OR4D2: variants seen among roughly 807,000 people sequenced by gnomAD.
OR4D2 encodes the protein olfactory receptor 4D2.
In OR4D2, 9 loss-of-function variants were observed where a neutral mutation model predicts 12.4. The ratio of observed to expected loss-of-function variants is 0.73; its 90% CI spans 0.44 to 1.27. The LOEUF (loss-of-function observed/expected upper bound fraction) is 1.27, where lower values mean the gene tolerates loss of function less well. Ranked by LOEUF, OR4D2 falls within the 50% of genes most tolerant of loss-of-function variation. OR4D2 has a pLI of 0.00. For missense variants in OR4D2, 373 were observed against 381.6 expected (o/e 0.98, Z 0.19); for synonymous variants, 151 against 151.1 (o/e 1.00, Z 0.01).
chr17:58,170,448 T>C lies in OR4D2; in HGVS notation c.793T>C (p.Phe265Leu). The C allele has an allele frequency of 6.2e-7, 1 of 1,614,182 alleles. No homozygotes were observed. Among genetic ancestry groups the C allele is most frequent in the Non-Finnish European group, 8.5e-7 (1 of 1,180,022 alleles). Residue 265 changes from phenylalanine to leucine, a missense_variant, in exon 2 of 2, where the codon TTC (phenylalanine) becomes CTC (leucine). Coordinates refer to ENST00000545221, the MANE Select transcript of OR4D2 (RefSeq NM_001004707.4). ...IYLYARPFTP[F>L]PMDKLVSIGH... is the part of the protein sequence containing the mutation. ...CCTCTATGCCCGGCCCTTCACTCCA[T>C]TCCCTATGGACAAGCTTGTGTCCAT...
At position 58,170,793 on chromosome 17, in the gene OR4D2, T is replaced by C. The variant is rs1967957071; in HGVS notation, c.*214T>C. Reference sequence around the variant, plus strand: ...AAGAGTTTTAACACACTCGCAACAATGAGAATTGTTCACATGGCCCCTGAA... The same window carrying C: ...AAGAGTTTTAACACACTCGCAACAACGAGAATTGTTCACATGGCCCCTGAA... On this transcript the variant is annotated 3_prime_UTR_variant, in exon 2 of 2. Transcript: ENST00000545221. The C allele has an allele frequency of 1.4e-5, 8 of 570,130 alleles. No homozygotes were observed. The East Asian group carries it at 2.1e-4, about 15-fold the overall frequency. 35.3% of individuals were successfully genotyped at this position (570,130 alleles called of 1,614,324 possible).
chr17:58,168,664 T>C (rs1049111829), intron 1 of OR4D2, among the ~76,000 whole-genome samples: 4 of 152,216 alleles, frequency 2.6e-5, no homozygotes, highest in African/African-American at 9.6e-5. Context: ...CTCCCACCCT[T>C]GGATTCAGTA....
rs529985046 is a variant in OR4D2, at chr17:58,170,653, G to C, written c.*74G>C. ...AAGTGGAGAGGGAGCTACTACCTTT[G>C]CTCTCTTCATAGTGTGTTGAGGTTC... On this transcript the variant is annotated 3_prime_UTR_variant, in exon 2 of 2. Coordinates refer to ENST00000545221, the MANE Select transcript of OR4D2 (RefSeq NM_001004707.4). 5 of 1,167,860 alleles carry C rather than the reference G, an allele frequency of 4.3e-6. No homozygotes were observed. The African/African-American group carries it at 7.6e-5, about 18-fold the overall frequency. The allele number at this position is 1,167,860 out of a possible 1,614,324, so 72.3% of individuals were successfully genotyped here.
At chr17:58,167,284 T>C (rs772955690) in intron 1 of OR4D2, among the ~76,000 whole-genome samples, 1 of 152,050 alleles carries the variant, frequency 6.6e-6, no homozygotes, top group Non-Finnish European at 1.5e-5. Flanking sequence ...CACAGAGAAA[T>C]AAGGAATTAA....
At chr17:58,168,460 C>T (rs1215460015) in intron 1 of OR4D2, among the ~76,000 whole-genome samples, 1 of 152,192 alleles carries the variant, frequency 6.6e-6, no homozygotes, top group East Asian at 1.9e-4. Flanking sequence ...CATCCGCCTC[C>T]GCCTCCCAAA....
chr17:58,170,090 G>T lies in OR4D2; in HGVS notation c.435G>T (p.Val145=). The change falls in exon 2 of 2, where the codon GTG becomes GTT. Residue 145 remains valine, a synonymous_variant. Transcript: ENST00000545221. ...VMNTQLWVGL[V]VATWVGGFVH... is the part of the protein sequence containing the mutation. ...ACACTCAGCTCTGGGTGGGGCTGGT[G>T]GTAGCCACCTGGGTGGGAGGCTTTG... The T allele has an allele frequency of 1.9e-6, 3 of 1,614,076 alleles. No individual in the cohort carries two copies. The highest frequency in any genetic ancestry group is 2.5e-6 in the Non-Finnish European group (3 of 1,180,026).
rs745647332 is a variant in OR4D2 at position 58,170,148 on chromosome 17, C to T, written c.493C>T (p.Pro165Ser). Reference protein sequence around the residue: ...HSIVQLALMLPLPFCGPNILD... With the variant: ...HSIVQLALMLSLPFCGPNILD... ...TATTGTCCAGCTGGCTCTGATGCTCCCACTGCCCTTCTGTGGCCCCAACAT... is the reference window on the plus strand; with the variant it reads ...TATTGTCCAGCTGGCTCTGATGCTCTCACTGCCCTTCTGTGGCCCCAACAT... Residue 165 changes from proline (P) to serine (S), a missense_variant, in exon 2 of 2, where the codon CCA becomes TCA. By Grantham distance (74) the Pro-to-Ser change is moderately conservative. Coordinates refer to ENST00000545221, the MANE Select transcript of OR4D2 (RefSeq NM_001004707.4). 1.5e-5 allele frequency: 25 copies of T among 1,614,072 alleles called. No homozygotes were observed. The highest frequency in any genetic ancestry group is 1.9e-5 in the Non-Finnish European group (23 of 1,180,044).
rs768949746 is a variant in OR4D2, at chr17:58,170,594, G to A, written c.*15G>A. ...GGCTGGTTTGAGAGTGACAATGGTA[G>A]GTTTCTTCTCTTTGGCTTTGTTTTC... is the stretch of plus-strand genomic sequence containing the variant. On this transcript the variant is annotated 3_prime_UTR_variant, in exon 2 of 2. Transcript: ENST00000545221. 2 of 1,602,110 alleles carry A rather than the reference G, an allele frequency of 1.2e-6. No homozygotes were observed. Among genetic ancestry groups the A allele is most frequent in the East Asian group, 4.5e-5 (2 of 44,830 alleles).
intron 1 of OR4D2, chr17:58,169,338 C>T (rs1252697657): frequency 5.6e-6 from 2 of 355,966 alleles, no homozygotes; most frequent in Admixed American, 4.5e-5. Flanking sequence ...ATGGTCAAAT[C>T]ACAATGAAAT....
At chr17:58,168,744 T>C (rs563426053) in intron 1 of OR4D2, among the ~76,000 whole-genome samples, 1 of 152,346 alleles carries the variant, frequency 6.6e-6, no homozygotes, top group African/African-American at 2.4e-5. Flanking sequence ...CATCATCTAT[T>C]TCTCAATCCA....
In OR4D2 at chr17:58,170,728, A is replaced by G; in HGVS notation, c.*149A>G. 4.6e-6 allele frequency: 3 copies of G among 657,480 alleles called. No homozygotes were observed. The highest frequency in any genetic ancestry group is 8.1e-6 in the Non-Finnish European group (3 of 371,156). The allele number at this position is 657,480 out of a possible 1,614,324, so 40.7% of individuals were successfully genotyped here. The stretch of plus-strand genomic sequence containing the variant: ...AACTAAGCAACTTCGTGTTTTAGGA[A>G]AAAAGAAAGTATCCTCTTTGGTGGT... On this transcript the variant is annotated 3_prime_UTR_variant, in exon 2 of 2. Transcript: ENST00000545221.
chr17:58,170,202 C>A lies in OR4D2; in HGVS notation c.547C>A (p.Gln183Lys). 1 of 1,614,174 alleles carries A rather than the reference C, an allele frequency of 6.2e-7. No individual in the cohort carries two copies. Among genetic ancestry groups the A allele is most frequent in the Non-Finnish European group, 8.5e-7 (1 of 1,180,014 alleles). The change falls in exon 2 of 2, where the codon CAA becomes AAA. Residue 183 changes from glutamine to lysine, a missense_variant. Gln to Lys is a moderately conservative substitution (Grantham distance 53). Coordinates refer to ENST00000545221, the MANE Select transcript of OR4D2 (RefSeq NM_001004707.4). ...ILDNFYCDVPQVLRLACTDTS... is the reference protein window; with the variant it reads ...ILDNFYCDVPKVLRLACTDTS... ...GGATAACTTCTACTGTGATGTTCCCCAAGTACTGAGACTTGCCTGCACTGA... is the reference window on the plus strand; with the variant it reads ...GGATAACTTCTACTGTGATGTTCCCAAAGTACTGAGACTTGCCTGCACTGA...
chr17:58,170,752 G>T lies in OR4D2; in HGVS notation c.*173G>T. On this transcript the variant is annotated 3_prime_UTR_variant, in exon 2 of 2. Coordinates refer to ENST00000545221, the MANE Select transcript of OR4D2 (RefSeq NM_001004707.4). ...AAAAAAGAAAGTATCCTCTTTGGTG[G>T]TTAAGGTTTGTGATAAAGAGTTTTA... The T allele has an allele frequency of 3.2e-6, 2 of 618,414 alleles. No individual in the cohort carries two copies. 38.3% of individuals were successfully genotyped at this position (618,414 alleles called of 1,614,324 possible). A position where few individuals can be genotyped will look rare whatever the true frequency, so the allele number is the denominator to read the frequency against.
At position 58,170,500 on chromosome 17, in the gene OR4D2, T is replaced by G. The variant is rs774901427; in HGVS notation, c.845T>G (p.Leu282Arg). ...SIGHTVMTPM[L>R]NPMIYTLRNQ... is the part of the protein sequence containing the mutation. ...GGCCACACAGTCATGACCCCCATGC[T>G]CAACCCCATGATCTATACCCTGAGG... is the stretch of plus-strand genomic sequence containing the variant. Residue 282 changes from leucine (L) to arginine (R), a missense_variant, in exon 2 of 2, where the codon CTC (leucine) becomes CGC (arginine). Physicochemically the swap from Leu to Arg is moderately radical, Grantham distance 102. Coordinates refer to ENST00000545221, the MANE Select transcript of OR4D2 (RefSeq NM_001004707.4). The G allele has an allele frequency of 6.2e-7, 1 of 1,614,158 alleles. No individual in the cohort carries two copies. The highest frequency in any genetic ancestry group is 2.2e-5 in the East Asian group (1 of 44,870).
At position 58,170,492 on chromosome 17, in the gene OR4D2, C is replaced by G. The variant is rs1967951563; in HGVS notation, c.837C>G (p.Thr279=). ...KLVSIGHTVM[T]PMLNPMIYTL... ...TGTCCATCGGCCACACAGTCATGAC[C>G]CCCATGCTCAACCCCATGATCTATA... The change falls in exon 2 of 2, where the codon ACC becomes ACG. Residue 279 remains threonine, a synonymous_variant. Coordinates refer to ENST00000545221, the MANE Select transcript of OR4D2 (RefSeq NM_001004707.4). 15 of 1,614,166 alleles carry G rather than the reference C, an allele frequency of 9.3e-6. No individual in the cohort carries two copies. Among genetic ancestry groups the G allele is most frequent in the Non-Finnish European group, 1.2e-5 (14 of 1,179,998 alleles).
In OR4D2 at chr17:58,170,233, C is replaced by A. The variant is rs1458246151; in HGVS notation, c.578C>A (p.Ser193Ter). The A allele has an allele frequency of 1.2e-6, 2 of 1,614,036 alleles. No homozygotes were observed. The highest frequency in any genetic ancestry group is 3.3e-5 in the Admixed American group (2 of 60,008). The change falls in exon 2 of 2, where the codon TCA (serine) becomes TAA (stop). Residue 193 changes from serine (S) to a stop codon, truncating the protein, a stop_gained. Transcript: ENST00000545221. LOFTEE classifies it high-confidence loss of function. Reference sequence around the variant, plus strand: ...CTGAGACTTGCCTGCACTGACACCTCACTGCTGGAGTTCCTCAAGATCTCC... The same window carrying A: ...CTGAGACTTGCCTGCACTGACACCTAACTGCTGGAGTTCCTCAAGATCTCC... ...QVLRLACTDT[S>*]LLEFLKISNS...
intron 1 of OR4D2, among the ~76,000 whole-genome samples, chr17:58,168,734 C>T (rs1053270846): frequency 1.3e-5 from 2 of 152,192 alleles, no homozygotes; most frequent in African/African-American, 4.8e-5. Context: ...ATACAATATT[C>T]ATCATCTATT....
rs747117187 is a variant in OR4D2, at chr17:58,169,698, C to T, written c.43C>T (p.Leu15=). The change falls in exon 2 of 2, where the codon CTG becomes TTG. Residue 15 remains leucine, a synonymous_variant. Coordinates refer to ENST00000545221, the MANE Select transcript of OR4D2 (RefSeq NM_001004707.4). ...NLTWVSDFVF[L]GLSQTRELQR... is the part of the protein sequence containing the mutation. The stretch of plus-strand genomic sequence containing the variant: ...CACGTGGGTATCAGACTTTGTCTTC[C>T]TGGGGCTCTCGCAGACTCGGGAGCT... 4.2e-5 allele frequency: 68 copies of T among 1,614,008 alleles called. No homozygotes were observed. The East Asian group carries it at 1.5e-3, about 36-fold the overall frequency.
chr17:58,170,357 G>C lies in OR4D2; in HGVS notation c.702G>C (p.Arg234Ser). 6.2e-7 allele frequency: 1 copy of C among 1,614,194 alleles called. No individual in the cohort carries two copies. Among genetic ancestry groups the C allele is most frequent in the South Asian group, 1.1e-5 (1 of 91,088 alleles). ...MLRSHPGEAR[R>S]KAASTCTTHI... is the part of the protein sequence containing the mutation. ...GGTCACATCCAGGGGAGGCAAGAAG[G>C]AAGGCAGCTTCCACCTGCACCACCC... Residue 234 changes from arginine to serine, a missense_variant, in exon 2 of 2, where the codon AGG becomes AGC. Coordinates refer to ENST00000545221, the MANE Select transcript of OR4D2 (RefSeq NM_001004707.4).
Sources: allele counts gnomAD v4.1 joint callset (sites outside exome capture counted in the v4.1 genomes callset), GRCh38; gene constraint gnomAD v4.1.1; transcripts MANE v1.5; gene names NCBI Gene and HGNC (gene_info 2026-07-23, HGNC 2026-07-21).